Variants in RBM18 observed in about 807,000 individuals in gnomAD.
The protein encoded by RBM18 is probable RNA-binding protein 18.
A neutral mutation model predicts 26.4 loss-of-function variants in RBM18; 18 were observed. The ratio of observed to expected loss-of-function variants is 0.68; its 90% CI spans 0.47 to 1.01. The LOEUF (loss-of-function observed/expected upper bound fraction) is 1.01. Among genes scored for constraint, RBM18 ranks in the 50% least tolerant of loss-of-function variants. The pLI is 0.00. For synonymous variants in RBM18, 74 were observed against 81.1 expected, an observed-to-expected ratio of 0.91 and a Z score of 0.47; for missense variants, 180 against 219.2, an observed-to-expected ratio of 0.82 and a Z score of 1.13.
At chr9:122,243,117 C>G (rs1235446999) in intron 5 of RBM18, among the ~76,000 whole-genome samples, 5 of 151,950 alleles carry the variant, frequency 3.3e-5, no homozygotes, top group Non-Finnish European at 7.4e-5. Context: ...CGTGAGCTAC[C>G]GCGCCCAGCC....
chr9:122,261,540 G>T, intron 1 of RBM18, 32 bp from the exon 2 acceptor site: 1 of 1,343,510 alleles, frequency 7.4e-7, no homozygotes, highest in South Asian at 1.2e-5. Context: ...AGGCAGGAGG[G>T]GAGTAACAAT....
chr9:122,257,888 A>T (rs1375049667), intron 2 of RBM18, among the ~76,000 whole-genome samples: 1 of 152,234 alleles, frequency 6.6e-6, no homozygotes, highest in Non-Finnish European at 1.5e-5. Flanking sequence ...GATAGAAGGT[A>T]GGTTTAAACA....
chr9:122,251,064 T>C (rs1291049281), intron 3 of RBM18, among the ~76,000 whole-genome samples: 2 of 151,956 alleles, frequency 1.3e-5, no homozygotes, highest in African/African-American at 2.4e-5. Flanking sequence ...GCTAGGACTA[T>C]AGGTGCACCA....
chr9:122,254,075 A>T (rs1831649900), intron 2 of RBM18, among the ~76,000 whole-genome samples: 1 of 151,938 alleles, frequency 6.6e-6, no homozygotes. Context: ...CACACAAAAA[A>T]AACAAAAAAG....
rs543716872 is a variant in RBM18 at position 122,241,767 on chromosome 9, T to C, written c.*117A>G. On this transcript the variant is annotated 3_prime_UTR_variant, in exon 6 of 6. Coordinates refer to ENST00000417201, the MANE Select transcript of RBM18 (RefSeq NM_033117.4). ...CATCCAAAAACATTATGTTACCAAA[T>C]GCTAACATGTGATTGTGCTCCGTTG... is the stretch of plus-strand genomic sequence containing the variant. The C allele has an allele frequency of 3.6e-6, 3 of 824,086 alleles. No homozygotes were observed. The highest frequency in any genetic ancestry group is 5.8e-6 in the Non-Finnish European group (3 of 521,430). 51.0% of individuals were successfully genotyped at this position (824,086 alleles called of 1,614,324 possible).
At chr9:122,258,258 GTTCT>G (rs111604544) in intron 2 of RBM18, among the ~76,000 whole-genome samples, 206 of 151,992 alleles carry the variant, frequency 1.4e-3, no homozygotes, top group African/African-American at 2.9e-3. Context: ...ATGATTGGTA[GTTCT>G]TTCTTTCTTT....
chr9:122,258,872 T>C (rs1831740675), intron 2 of RBM18, among the ~76,000 whole-genome samples: 1 of 140,714 alleles, frequency 7.1e-6, no homozygotes, highest in Admixed American at 7.8e-5. Flanking sequence ...GAGCTATGAT[T>C]GTGCCACTGT....
At chr9:122,248,525 A>T (rs981553672) in intron 3 of RBM18, among the ~76,000 whole-genome samples, 1 of 152,234 alleles carries the variant, frequency 6.6e-6, no homozygotes, top group South Asian at 2.1e-4. Context: ...AGTGAGTCAA[A>T]GAGACCGTTA....
At position 122,239,574 on chromosome 9, in the gene RBM18, AT is replaced by A. The variant is rs1209335243; in HGVS notation, c.*2309del. Reference sequence around the variant, plus strand: ...AAAATAACCAGTAAACCAAAGAATAATTTTACTTAAAGTACAGACAACCTCC... The same window carrying A: ...AAAATAACCAGTAAACCAAAGAATAATTTACTTAAAGTACAGACAACCTCC... On this transcript the variant is annotated 3_prime_UTR_variant, in exon 6 of 6. Coordinates refer to ENST00000417201, the MANE Select transcript of RBM18 (RefSeq NM_033117.4). The A allele has an allele frequency of 6.6e-6, 1 of 152,222 alleles. No individual in the cohort carries two copies. The highest frequency in any genetic ancestry group is 1.5e-5 in the Non-Finnish European group (1 of 68,042). The allele number at this position is 152,222 out of a possible 1,614,324, so 9.4% of individuals were successfully genotyped here.
At chr9:122,255,756 T>C (rs1038250036) in intron 2 of RBM18, among the ~76,000 whole-genome samples, 6 of 152,224 alleles carry the variant, frequency 3.9e-5, no homozygotes, top group African/African-American at 1.4e-4. Context: ...CTTCAATTTC[T>C]GCCCTTCATC....
chr9:122,243,077 C>T lies in RBM18; in HGVS notation c.414-1034G>A, dbSNP rs143643679. ...TCTCTTGACCTCGTGATCCGTCCGC[C>T]TTGACCTCCCAAAGTGCTGGGATTA... On this transcript the variant is annotated intron_variant, in intron 5 of 5. Coordinates refer to ENST00000417201, the MANE Select transcript of RBM18 (RefSeq NM_033117.4). 1.7e-3 allele frequency among the ~76,000 whole-genome samples: 260 copies of T among 152,310 alleles called. 3 individuals are homozygous for T. In the East Asian group the frequency reaches 0.035, roughly 20 times the overall value.
intron 3 of RBM18, among the ~76,000 whole-genome samples, chr9:122,251,010 A>G (rs961611065): frequency 6.6e-6 from 1 of 151,906 alleles, no homozygotes; most frequent in African/African-American, 2.4e-5. Flanking sequence ...TGCAGCCTTG[A>G]ATTCCTGGGC....
rs1831939456 is a variant in RBM18 at position 122,264,781 on chromosome 9, G to C, written c.-83C>G. ...CCAGGTCCCGACGCCGCGGTCAGAC[G>C]GACCTCTAGACGCGTCCGCCTCAAT... On this transcript the variant is annotated 5_prime_UTR_variant, in exon 1 of 6. Coordinates refer to ENST00000417201, the MANE Select transcript of RBM18 (RefSeq NM_033117.4). 6.6e-6 allele frequency: 1 copy of C among 152,324 alleles called. No homozygotes were observed. The highest frequency in any genetic ancestry group is 2.1e-4 in the South Asian group (1 of 4,830). The allele number at this position is 152,324 out of a possible 1,614,324, so 9.4% of individuals were successfully genotyped here.
At chr9:122,258,924 A>AAAAG (rs1554814885) in intron 2 of RBM18, among the ~76,000 whole-genome samples, 36 of 151,230 alleles carry the variant, frequency 2.4e-4, no homozygotes, top group Admixed American at 2.4e-3. Flanking sequence ...AAAAAAAAAA[A>AAAAG]AAGAAGAAGA....
At chr9:122,254,408 G>T (rs1054988802) in intron 2 of RBM18, 29 of 471,046 alleles carry the variant, frequency 6.2e-5, no homozygotes, top group African/African-American at 5.7e-4. Context: ...TTTGCTTCCT[G>T]GAGATGGGGA....
Position 122,241,980 on chromosome 9 carries a change from T to C in RBM18, c.477A>G (p.Ala159=). Residue 159 remains alanine, a synonymous_variant, in exon 6 of 6, where the codon GCA becomes GCG. Coordinates refer to ENST00000417201, the MANE Select transcript of RBM18 (RefSeq NM_033117.4). Reference sequence around the variant, plus strand: ...AATAAACAGGCGCTGCTGGATACTCTGCATCAGGATTTTCCGCCATCATTT... The same window carrying C: ...AATAAACAGGCGCTGCTGGATACTCCGCATCAGGATTTTCCGCCATCATTT... The part of the protein sequence containing the change: ...KLKMMAENPD[A]EYPAAPVYSY... 1 of 1,614,132 alleles carries C rather than the reference T, an allele frequency of 6.2e-7. No homozygotes were observed. Among genetic ancestry groups the C allele is most frequent in the Non-Finnish European group, 8.5e-7 (1 of 1,180,020 alleles).
Position 122,241,845 on chromosome 9 carries a change from A to G in RBM18, c.*39T>C. 1 of 1,599,560 alleles carries G rather than the reference A, an allele frequency of 6.3e-7. No homozygotes were observed. The highest frequency in any genetic ancestry group is 8.5e-7 in the Non-Finnish European group (1 of 1,170,140). ...CACAGGCAGACGATTTTAGGTGTGG[A>G]GACCAATTTGCTTTTGCTGCTACAG... On this transcript the variant is annotated 3_prime_UTR_variant, in exon 6 of 6. Coordinates refer to ENST00000417201, the MANE Select transcript of RBM18 (RefSeq NM_033117.4).
chr9:122,262,638 C>T (rs1196793581), intron 1 of RBM18, among the ~76,000 whole-genome samples: 2 of 152,054 alleles, frequency 1.3e-5, no homozygotes, highest in Admixed American at 1.3e-4. Flanking sequence ...GACTCATGGG[C>T]GGTGGCACGA....
At chr9:122,246,902 C>T (rs1258553768) in intron 4 of RBM18, among the ~76,000 whole-genome samples, 1 of 152,084 alleles carries the variant, frequency 6.6e-6, no homozygotes, top group Non-Finnish European at 1.5e-5. Flanking sequence ...GAACAGAATG[C>T]CATTTGTTTT....
Sources: allele counts gnomAD v4.1 joint callset (sites outside exome capture counted in the v4.1 genomes callset), GRCh38; gene constraint gnomAD v4.1.1; transcripts MANE v1.5; gene names NCBI Gene and HGNC (gene_info 2026-07-23, HGNC 2026-07-21).